DMXL2: variants seen among roughly 807,000 people sequenced by gnomAD.
DMXL2 encodes the protein Dmx like 2, also known as dmX-like protein 2.
In DMXL2, 103 loss-of-function variants were observed where a neutral mutation model predicts 331.1. That is an observed-to-expected ratio of 0.31 (90% CI 0.27 to 0.37). The LOEUF is 0.37. Ranked by LOEUF, DMXL2 falls within the 10% of genes least tolerant of loss-of-function variation. The pLI is 1.00. For missense variants in DMXL2, 3,171 were observed against 3,642.9 expected, an observed-to-expected ratio of 0.87 and a Z score of 3.33; for synonymous variants, 1,281 against 1,252.1, an observed-to-expected ratio of 1.02 and a Z score of -0.49.
rs1404499071 is a variant in DMXL2 at position 51,474,727 on chromosome 15, A to G, written c.6965-135T>C. On this transcript the variant is annotated intron_variant, in intron 27 of 43. Transcript: ENST00000560891. ...ATTTCCATAATTTGAGCAACAAAATAAACAAGATAGGAATGGATTATAGCC... is the reference window on the plus strand; with the variant it reads ...ATTTCCATAATTTGAGCAACAAAATGAACAAGATAGGAATGGATTATAGCC... 5 of 961,638 alleles carry G rather than the reference A, an allele frequency of 5.2e-6. No homozygotes were observed. The African/African-American group carries it at 9.6e-5, about 18-fold the overall frequency. The allele number at this position is 961,638 out of a possible 1,614,324, so 59.6% of individuals were successfully genotyped here. A position where few individuals can be genotyped will look rare whatever the true frequency, so the allele number is the denominator to read the frequency against.
At chr15:51,488,439 G>A in intron 21 of DMXL2, 109 bp downstream of exon 21, 1 of 969,690 alleles carries the variant, frequency 1.0e-6, no homozygotes, top group Non-Finnish European at 1.6e-6. Context: ...TCGCATAGAA[G>A]TGGATTTGAT....
chr15:51,470,042 T>C (rs2040953366), intron 29 of DMXL2, among the ~76,000 whole-genome samples: 1 of 152,204 alleles, frequency 6.6e-6, no homozygotes, highest in African/African-American at 2.4e-5. Context: ...TTGAGGGGTC[T>C]GAGGGAAGAC....
chr15:51,614,907 G>C (rs2054197968), intron 1 of DMXL2, among the ~76,000 whole-genome samples: 1 of 152,190 alleles, frequency 6.6e-6, no homozygotes, highest in Admixed American at 6.5e-5. Flanking sequence ...GCTAGAGTCA[G>C]AAAAGGCAGG....
intron 2 of DMXL2, among the ~76,000 whole-genome samples, chr15:51,569,475 T>C (rs1208086517): frequency 6.6e-6 from 1 of 152,164 alleles, no homozygotes; most frequent in East Asian, 1.9e-4. Context: ...ATTCGAGCTC[T>C]GATACAGGAC....
chr15:51,608,025 A>C (rs2053707213), intron 1 of DMXL2, among the ~76,000 whole-genome samples: 1 of 152,018 alleles, frequency 6.6e-6, no homozygotes, highest in African/African-American at 2.4e-5. Flanking sequence ...TCTCTCCTAA[A>C]AATACAAAAA....
At chr15:51,518,579 T>G (rs1427675689) in intron 13 of DMXL2, among the ~76,000 whole-genome samples, 1 of 152,176 alleles carries the variant, frequency 6.6e-6, no homozygotes, top group Non-Finnish European at 1.5e-5. Context: ...CATGCGTATA[T>G]TAAAGTTTAA....
chr15:51,551,787 C>T (rs1463299344), intron 6 of DMXL2, among the ~76,000 whole-genome samples: 2 of 152,180 alleles, frequency 1.3e-5, no homozygotes, highest in Non-Finnish European at 2.9e-5. Flanking sequence ...TAATAAAATA[C>T]ATTTCCTAAT....
intron 1 of DMXL2, among the ~76,000 whole-genome samples, chr15:51,589,202 C>T (rs2052099505): frequency 6.6e-6 from 1 of 152,144 alleles, no homozygotes; most frequent in Non-Finnish European, 1.5e-5. Flanking sequence ...GCTGAAAAGT[C>T]ATGCATATTC....
At chr15:51,514,301 C>A (rs2046910266) in intron 15 of DMXL2, 141 bp downstream of exon 15, 2 of 555,790 alleles carry the variant, frequency 3.6e-6, no homozygotes, top group African/African-American at 3.9e-5. Flanking sequence ...CATCTACAAG[C>A]AAGCAATTTT....
In DMXL2 at chr15:51,452,450, CAG is replaced by C. The variant is rs2039231768; in HGVS notation, c.8697-755_8697-754del. Reference sequence around the variant, plus strand: ...ATCAAAAGCGAGCAAAGGACATGAACAGATAATTCTCAAAATACAAATGGCCA... The same window carrying C: ...ATCAAAAGCGAGCAAAGGACATGAACATAATTCTCAAAATACAAATGGCCA... On this transcript the variant is annotated intron_variant, in intron 41 of 43. Transcript: ENST00000560891. Among the ~76,000 whole-genome samples, 3 of 151,988 alleles carry C rather than the reference CAG, an allele frequency of 2.0e-5. No individual in the cohort carries two copies. In the South Asian group the frequency reaches 6.2e-4, roughly 31 times the overall value.
At chr15:51,616,383 C>A (rs2054286564) in intron 1 of DMXL2, among the ~76,000 whole-genome samples, 2 of 151,878 alleles carry the variant, frequency 1.3e-5, no homozygotes, top group South Asian at 2.1e-4. Context: ...AAACAAAAAC[C>A]CACACACACA....
At chr15:51,508,742 G>T (rs758555470) in intron 15 of DMXL2, among the ~76,000 whole-genome samples, 1 of 152,156 alleles carries the variant, frequency 6.6e-6, no homozygotes, top group Non-Finnish European at 1.5e-5. Flanking sequence ...CAATTAAATG[G>T]AAATAACTAA....
At chr15:51,580,030 C>T (rs2051302533) in intron 1 of DMXL2, among the ~76,000 whole-genome samples, 1 of 152,190 alleles carries the variant, frequency 6.6e-6, no homozygotes, top group Non-Finnish European at 1.5e-5. Context: ...TGCCCTACCT[C>T]TATTCCATGA....
At chr15:51,467,505 G>C (rs552669975) in intron 29 of DMXL2, among the ~76,000 whole-genome samples, 1 of 151,952 alleles carries the variant, frequency 6.6e-6, no homozygotes, top group East Asian at 1.9e-4. Flanking sequence ...AAAATCAAAT[G>C]GCAATAAGAT....
chr15:51,598,374 T>G (rs1012508122), intron 1 of DMXL2, among the ~76,000 whole-genome samples: 6 of 152,218 alleles, frequency 3.9e-5, no homozygotes, highest in Admixed American at 1.3e-4. Context: ...TCCTTAATAC[T>G]TTAATGTTTC....
At position 51,460,099 on chromosome 15, in the gene DMXL2, A is replaced by G. The variant is rs148188938; in HGVS notation, c.7927-439T>C. 9.9e-4 allele frequency: 925 copies of G among 938,810 alleles called. 9 individuals carry two copies. The African/African-American group carries it at 0.015, about 15-fold the overall frequency. 58.2% of individuals were successfully genotyped at this position (938,810 alleles called of 1,614,324 possible). A position where few individuals can be genotyped will look rare whatever the true frequency, so the allele number is the denominator to read the frequency against. ...AAATATTGATAATTATTTCACTCTT[A>G]TAAGGAATATGATGATTTTTCTCTA... On this transcript the variant is annotated intron_variant, in intron 33 of 43. Coordinates refer to ENST00000560891, the MANE Select transcript of DMXL2 (RefSeq NM_001378457.1).
At chr15:51,547,120 C>T in intron 7 of DMXL2, 110 bp downstream of exon 7, 1 of 717,890 alleles carries the variant, frequency 1.4e-6, no homozygotes. Flanking sequence ...CAGCTTGATG[C>T]CAGAGCCTAT....
At chr15:51,544,529 G>A (rs1037206952) in intron 8 of DMXL2, among the ~76,000 whole-genome samples, 2 of 152,094 alleles carry the variant, frequency 1.3e-5, no homozygotes, top group Non-Finnish European at 2.9e-5. Flanking sequence ...TGCAAGAATG[G>A]CCCAATACAG....
intron 41 of DMXL2, among the ~76,000 whole-genome samples, chr15:51,452,479 C>G (rs375714115): frequency 7.9e-5 from 12 of 151,976 alleles, no homozygotes; most frequent in African/African-American, 1.2e-4. Flanking sequence ...AAATGGCCAA[C>G]AAACAGGAAA....
Sources: gnomAD v4.1 joint callset for allele counts (sites outside exome capture counted in the v4.1 genomes callset) on GRCh38, gnomAD v4.1.1 for gene constraint, MANE v1.5 for transcripts, NCBI Gene and HGNC (gene_info 2026-07-23, HGNC 2026-07-21) for gene names.